Variants in BCAS4 observed in about 807,000 individuals in gnomAD.
BCAS4 encodes breast carcinoma-amplified sequence 4.
In BCAS4, 9 loss-of-function variants were observed where a neutral mutation model predicts 15.7. The ratio of observed to expected loss-of-function variants is 0.57; its 90% confidence interval spans 0.34 to 1.00. BCAS4 has a LOEUF of 1.00. Among genes scored for constraint, BCAS4 ranks in the 50% least tolerant of loss-of-function variants. The pLI is 0.02. For synonymous variants in BCAS4, 101 were observed against 99.5 expected, an observed-to-expected ratio of 1.02 and a Z score of -0.09; for missense variants, 225 against 239.1, an observed-to-expected ratio of 0.94 and a Z score of 0.39.
intron 4 of BCAS4, among the ~76,000 whole-genome samples, chr20:50,858,781 A>G (rs1396882734): frequency 1.5e-5 from 2 of 132,448 alleles, no homozygotes; most frequent in African/African-American, 6.0e-5. Flanking sequence ...GCTGGAATGC[A>G]GTGACACAGA....
chr20:50,855,563 T>G lies in BCAS4; in HGVS notation c.399+13663T>G, dbSNP rs187923646. ...CTCCAAGAGACCTTCCTGGGACCCC[T>G]TCCTCCTCAGACTGGAAGGGGAAGG... On this transcript the variant is annotated intron_variant, in intron 4 of 4. Coordinates refer to ENST00000371608, the MANE Select transcript of BCAS4 (RefSeq NM_198799.4). 2.6e-5 allele frequency among the ~76,000 whole-genome samples: 4 copies of G among 152,052 alleles called. No individual in the cohort carries two copies. In the East Asian group the frequency reaches 7.8e-4, roughly 30 times the overall value.
At chr20:50,812,143 T>A (rs572883951) in intron 1 of BCAS4, among the ~76,000 whole-genome samples, 15 of 151,544 alleles carry the variant, frequency 9.9e-5, no homozygotes, top group African/African-American at 3.1e-4. Flanking sequence ...TATTTATTTA[T>A]TTTTTTTGAG....
At chr20:50,850,297 CAG>C (rs1373756714) in intron 4 of BCAS4, among the ~76,000 whole-genome samples, 1 of 152,234 alleles carries the variant, frequency 6.6e-6, no homozygotes, top group Non-Finnish European at 1.5e-5. Context: ...ACCTGAGGCT[CAG>C]AGGGGGCTCT....
chr20:50,879,936 G>A (rs910391835), downstream of BCAS4: 1 of 152,616 alleles, frequency 6.6e-6, no homozygotes, highest in Non-Finnish European at 1.5e-5. Context: ...ACACTGGCGA[G>A]GGGCTCTCAG....
At chr20:50,821,290 G>C (rs1009736330) in intron 2 of BCAS4, among the ~76,000 whole-genome samples, 2 of 152,276 alleles carry the variant, frequency 1.3e-5, no homozygotes, top group African/African-American at 4.8e-5. Flanking sequence ...CTCTTCCCAT[G>C]TGTCTGTGTT....
rs1286957833 is a variant in BCAS4, at chr20:50,851,420, A to G, written c.399+9520A>G. Among the ~76,000 whole-genome samples, 2 of 152,052 alleles carry G rather than the reference A, an allele frequency of 1.3e-5. No individual in the cohort carries two copies. Among genetic ancestry groups the G allele is most frequent in the African/African-American group, 2.4e-5 (1 of 41,412 alleles). ...CCTTCAAGGTCTTTGGTGGAGTGCT[A>G]TAGGGGGACGGAGGGTTCCTGGCAG... is the stretch of plus-strand genomic sequence containing the variant. On this transcript the variant is annotated intron_variant, in intron 4 of 4. Coordinates refer to ENST00000371608, the MANE Select transcript of BCAS4 (RefSeq NM_198799.4). This position sits in a 1 kb window ranked among gnomAD's most constrained non-coding sequence, Gnocchi z 4.3.
intron 1 of BCAS4, among the ~76,000 whole-genome samples, chr20:50,811,220 C>T (rs2088058860): frequency 1.3e-5 from 2 of 152,000 alleles, no homozygotes; most frequent in African/African-American, 4.8e-5. Context: ...AAAATAGAAG[C>T]CAGGCATGGT....
chr20:50,827,311 T>C lies in BCAS4; in HGVS notation c.163-2968T>C, dbSNP rs114171944. 4.1e-3 allele frequency among the ~76,000 whole-genome samples: 624 copies of C among 152,316 alleles called. 4 individuals are homozygous for C. Among genetic ancestry groups the C allele is most frequent in the African/African-American group, 0.014 (587 of 41,560 alleles). ...GTTTTTCATGTGGTTAGACTGGAGA[T>C]AGGAATTTATGGAACGATCACCACA... On this transcript the variant is annotated intron_variant, in intron 2 of 4. Coordinates refer to ENST00000371608, the MANE Select transcript of BCAS4 (RefSeq NM_198799.4).
intron 1 of BCAS4, among the ~76,000 whole-genome samples, chr20:50,801,841 G>A (rs920396484): frequency 1.3e-5 from 2 of 152,124 alleles, no homozygotes; most frequent in African/African-American, 4.8e-5. Context: ...GAAGGAGGAT[G>A]GGAAGGACCG....
rs767654825 is a variant in BCAS4 at position 50,830,364 on chromosome 20, A to C, written c.248A>C (p.Lys83Thr). The change falls in exon 3 of 5, where the codon AAA (lysine) becomes ACA (threonine). Residue 83 changes from lysine (K) to threonine (T), a missense_variant. By Grantham distance (78) the Lys-to-Thr change is moderately conservative. Transcript: ENST00000371608. Reference protein sequence around the residue: ...KLTEMRGIYAKVDRLEAFVKM... With the variant: ...KLTEMRGIYATVDRLEAFVKM... The stretch of plus-strand genomic sequence containing the variant: ...ACAGAAATGCGTGGCATCTATGCCA[A>C]AGTGGACCGGCTAGAGGTACGTCTA... 2.5e-6 allele frequency: 4 copies of C among 1,613,698 alleles called. No individual in the cohort carries two copies. Among genetic ancestry groups the C allele is most frequent in the Non-Finnish European group, 3.4e-6 (4 of 1,179,790 alleles).
chr20:50,858,173 C>T (rs1372797273), intron 4 of BCAS4, among the ~76,000 whole-genome samples: 2 of 152,136 alleles, frequency 1.3e-5, no homozygotes, highest in Admixed American at 1.3e-4. Flanking sequence ...CTCCAGGAAC[C>T]CCTTTCAGTT....
At chr20:50,809,072 G>A (rs897509026) in intron 1 of BCAS4, among the ~76,000 whole-genome samples, 5 of 152,116 alleles carry the variant, frequency 3.3e-5, no homozygotes, top group Non-Finnish European at 7.4e-5. Flanking sequence ...TATCCCAGCA[G>A]CATTTGTTGA....
At position 50,851,774 on chromosome 20, in the gene BCAS4, C is replaced by T. The variant is rs553265897; in HGVS notation, c.399+9874C>T. Among the ~76,000 whole-genome samples the T allele has an allele frequency of 3.9e-5, 6 of 152,350 alleles. No individual in the cohort carries two copies. Among genetic ancestry groups the T allele is most frequent in the African/African-American group, 9.6e-5 (4 of 41,574 alleles). On this transcript the variant is annotated intron_variant, in intron 4 of 4. Transcript: ENST00000371608. The surrounding 1 kb of genome is among the most constrained non-coding windows in gnomAD (Gnocchi z 4.3). ...CCTGGAAAACCCTTCCCGCTCCCCA[C>T]CTGGCAATGTTCATTATTGTTCAAA...
At chr20:50,806,710 T>C (rs2087993711) in intron 1 of BCAS4, among the ~76,000 whole-genome samples, 1 of 151,772 alleles carries the variant, frequency 6.6e-6, no homozygotes, top group African/African-American at 2.4e-5. Flanking sequence ...TATTATTTTT[T>C]AATTTTTGGG....
intron 3 of BCAS4, among the ~76,000 whole-genome samples, chr20:50,839,215 C>G (rs940799421): frequency 6.6e-5 from 10 of 152,194 alleles, no homozygotes; most frequent in Non-Finnish European, 7.3e-5. Context: ...CACTGTAGTC[C>G]CCACCTCTGC....
Position 50,796,838 on chromosome 20 carries a change from T to A in BCAS4, c.90+1665T>A, listed in dbSNP as rs1453146905. On this transcript the variant is annotated intron_variant, in intron 1 of 4. Coordinates refer to ENST00000371608, the MANE Select transcript of BCAS4 (RefSeq NM_198799.4). ...ATAATTTTTGAACAGACGTTTTTAA[T>A]TTTTTTTTTTTTGACAGGGTTTCAC... Among the ~76,000 whole-genome samples, 4 of 93,302 alleles carry A rather than the reference T, an allele frequency of 4.3e-5. No individual in the cohort carries two copies. In the South Asian group the frequency reaches 1.1e-3, roughly 27 times the overall value. The allele number at this position is 93,302 out of a possible 152,430, so 61.2% of individuals were successfully genotyped here. A position where few individuals can be genotyped will look rare whatever the true frequency, so the allele number is the denominator to read the frequency against.
intron 4 of BCAS4, among the ~76,000 whole-genome samples, chr20:50,864,756 C>G (rs111824205): frequency 6.6e-6 from 1 of 152,096 alleles, no homozygotes; most frequent in African/African-American, 2.4e-5. Context: ...GTTATTCCCC[C>G]GGCACTTTGC....
At chr20:50,819,906 C>A (rs6020769) in intron 2 of BCAS4, among the ~76,000 whole-genome samples, 141,391 of 151,894 alleles carry the variant, frequency 0.93, 65,880 homozygotes, top group African/African-American at 0.98. Flanking sequence ...GCTGGAGTGC[C>A]GTGATGCAAT....
chr20:50,838,125 C>G (rs1408665729), intron 3 of BCAS4, among the ~76,000 whole-genome samples: 1 of 152,226 alleles, frequency 6.6e-6, no homozygotes, highest in Non-Finnish European at 1.5e-5. Flanking sequence ...TGTCGTTTTG[C>G]TAAGGATACA....
Sources: gnomAD v4.1 joint callset for allele counts (sites outside exome capture counted in the v4.1 genomes callset) on GRCh38, gnomAD v4.1.1 for gene constraint, Gnocchi (gnomAD v3.1) non-coding constraint, MANE v1.5 for transcripts, NCBI Gene and HGNC (gene_info 2026-07-23, HGNC 2026-07-21) for gene names.